Variants in CAST observed in about 807,000 individuals in gnomAD.
CAST encodes MIR583 host.
CAST carries 76 observed loss-of-function variants against 119.6 expected under a neutral mutation model. That is an observed-to-expected ratio of 0.64 (90% CI 0.53 to 0.77). CAST has a LOEUF of 0.77. Ranked by LOEUF, CAST falls within the 30% of genes least tolerant of loss-of-function variation. CAST has a pLI of 0.00. For missense variants in CAST, 953 were observed against 946.5 expected, an observed-to-expected ratio of 1.01 and a Z score of -0.09; for synonymous variants, 319 against 331.6, an observed-to-expected ratio of 0.96 and a Z score of 0.41.
the CAST span, among the ~76,000 whole-genome samples, chr5:96,100,241 G>T: frequency 2.0e-5 from 3 of 152,078 alleles, no homozygotes; most frequent in Non-Finnish European, 2.9e-5. Context: ...TTATTTTCCC[G>T]CATCTGGCTT....
the CAST span, among the ~76,000 whole-genome samples, chr5:96,005,871 G>A: frequency 6.6e-6 from 1 of 152,056 alleles, no homozygotes; most frequent in Admixed American, 6.6e-5. Flanking sequence ...TATATTAAGT[G>A]TAGTGCAATA....
At chr5:96,276,408 G>A in the CAST span, among the ~76,000 whole-genome samples, 6 of 152,220 alleles carry the variant, frequency 3.9e-5, no homozygotes, top group Admixed American at 1.3e-4. Context: ...GGTTTCCAAC[G>A]TGGCTTTTTA....
chr5:96,675,401 T>TGA (rs1390556938), intron 1 of CAST, 138 bp from the exon 2 acceptor site: 2 of 618,974 alleles, frequency 3.2e-6, no homozygotes, highest in Non-Finnish European at 5.7e-6. Flanking sequence ...TATGTTGGTG[T>TGA]GAATTACCAG....
At chr5:96,513,081 T>G in the CAST span, among the ~76,000 whole-genome samples, 1 of 152,206 alleles carries the variant, frequency 6.6e-6, no homozygotes, top group Non-Finnish European at 1.5e-5. Flanking sequence ...TGGGTCCTGA[T>G]TATCATTCAT....
chr5:96,081,167 C>A, the CAST span, among the ~76,000 whole-genome samples: 9 of 152,306 alleles, frequency 5.9e-5, no homozygotes, highest in African/African-American at 1.2e-4. Context: ...ACTGTGGATT[C>A]CTGACAAAGG....
At chr5:95,996,226 G>T in the CAST span, among the ~76,000 whole-genome samples, 6 of 152,172 alleles carry the variant, frequency 3.9e-5, no homozygotes, top group African/African-American at 1.4e-4. Flanking sequence ...CTCCAGAGTG[G>T]ATTGCAGACT....
chr5:96,287,221 T>G, the CAST span, among the ~76,000 whole-genome samples: 22 of 152,082 alleles, frequency 1.4e-4, no homozygotes, highest in Admixed American at 4.6e-4. Flanking sequence ...TGAGAGAAAT[T>G]CTCTCAGGCA....
chr5:96,236,271 T>C, the CAST span, among the ~76,000 whole-genome samples: 1 of 152,216 alleles, frequency 6.6e-6, no homozygotes, highest in Non-Finnish European at 1.5e-5. Flanking sequence ...AAACTCATAA[T>C]TCAGTGATGC....
chr5:96,639,134 C>A (rs544157153), intron 1 of CAST, among the ~76,000 whole-genome samples: 1 of 152,320 alleles, frequency 6.6e-6, no homozygotes, highest in East Asian at 1.9e-4. Context: ...TTACTCATCC[C>A]GTTCATCTGA....
At chr5:96,582,560 G>A (rs188255412) in intron 1 of CAST, among the ~76,000 whole-genome samples, 2 of 152,278 alleles carry the variant, frequency 1.3e-5, no homozygotes, top group Middle Eastern at 3.4e-3. Flanking sequence ...TGCCAGGAGC[G>A]TGGGCCAGCA....
intron 9 of CAST, 134 bp from the exon 10 acceptor site, chr5:96,736,038 C>T (rs1279064900): frequency 2.8e-5 from 17 of 598,406 alleles, no homozygotes; most frequent in Non-Finnish European, 4.4e-5. Context: ...ACACACAGCA[C>T]AGTTTCTGCT....
chr5:96,048,644 T>C, the CAST span, among the ~76,000 whole-genome samples: 2,209 of 152,166 alleles, frequency 0.015, 42 homozygotes, highest in African/African-American at 0.05. Flanking sequence ...CCTAAAATGA[T>C]TGCCTCAAAT....
At chr5:95,962,331 C>A in the CAST span, among the ~76,000 whole-genome samples, 1 of 151,948 alleles carries the variant, frequency 6.6e-6, no homozygotes, top group African/African-American at 2.4e-5. Flanking sequence ...TGTTCCCCGA[C>A]GGCTGCGGAA....
the CAST span, among the ~76,000 whole-genome samples, chr5:96,388,369 TTACATCTGGTTCATA>T: frequency 6.6e-6 from 1 of 152,226 alleles, no homozygotes; most frequent in South Asian, 2.1e-4. Context: ...TGGTTTTGAT[TTACATCTGGTTCATA>T]TACATCTGTT....
the CAST span, among the ~76,000 whole-genome samples, chr5:96,435,605 A>C: frequency 2.0e-5 from 3 of 152,216 alleles, no homozygotes; most frequent in Admixed American, 6.5e-5. Context: ...TATAAATTGG[A>C]AGAGCCAATT....
chr5:96,154,892 C>T, the CAST span, among the ~76,000 whole-genome samples: 1 of 152,168 alleles, frequency 6.6e-6, no homozygotes, highest in Non-Finnish European at 1.5e-5. Flanking sequence ...TGTCAGGTTT[C>T]CCCACTATGA....
At chr5:96,114,833 CA>C in the CAST span, among the ~76,000 whole-genome samples, 1 of 152,158 alleles carries the variant, frequency 6.6e-6, no homozygotes, top group African/African-American at 2.4e-5. Flanking sequence ...TCCAGTTTCC[CA>C]AAACTAGCCA....
At chr5:96,476,871 G>A in the CAST span, among the ~76,000 whole-genome samples, 6 of 149,782 alleles carry the variant, frequency 4.0e-5, no homozygotes, top group South Asian at 2.1e-4. Flanking sequence ...ACGAGTTGAC[G>A]GTTCTTGTCT....
chr5:96,206,046 A>G, the CAST span, among the ~76,000 whole-genome samples: 1 of 151,832 alleles, frequency 6.6e-6, no homozygotes, highest in Non-Finnish European at 1.5e-5. Flanking sequence ...TGTGGTTTTA[A>G]TTTGCATTTT....
Sources: gnomAD v4.1 joint callset for allele counts (sites outside exome capture counted in the v4.1 genomes callset) on GRCh38, gnomAD v4.1.1 for gene constraint, MANE v1.5 for transcripts, NCBI Gene and HGNC (gene_info 2026-07-23, HGNC 2026-07-21) for gene names.